Variants in SOX5 observed in about 807,000 individuals in gnomAD.
SOX5 encodes transcription factor SOX-5.
A neutral mutation model predicts 92.0 loss-of-function variants in SOX5; 9 were observed. The ratio of observed to expected loss-of-function variants is 0.10; its 90% CI spans 0.06 to 0.17. The LOEUF (loss-of-function observed/expected upper bound fraction) is 0.17. Ranked by LOEUF, SOX5 falls within the 10% of genes least tolerant of loss-of-function variation. The pLI, the probability that SOX5 is intolerant of heterozygous loss-of-function variation, is 1.00. For synonymous variants in SOX5, 344 were observed against 336.3 expected (o/e 1.02, Z -0.25); for missense variants, 642 against 944.5 (o/e 0.68, Z 4.20).
At chr12:24,368,978 C>G (rs796662864) in intron 1 of SOX5, among the ~76,000 whole-genome samples, 7 of 152,332 alleles carry the variant, frequency 4.6e-5, no homozygotes, top group African/African-American at 1.7e-4. Flanking sequence ...TTCCACCACA[C>G]TATATATACA....
intron 6 of SOX5, among the ~76,000 whole-genome samples, chr12:23,713,957 C>T (rs1054616437): frequency 4.0e-5 from 6 of 150,588 alleles, no homozygotes; most frequent in South Asian, 2.1e-4. Context: ...TTGGGTGTGG[C>T]GGTGCACACC....
chr12:23,998,446 T>C (rs1396435493), intron 4 of SOX5, among the ~76,000 whole-genome samples: 2 of 151,842 alleles, frequency 1.3e-5, no homozygotes, highest in Non-Finnish European at 1.5e-5. Context: ...CAAAGACCTA[T>C]GAGAATACTT....
In SOX5 at chr12:24,324,923, C is replaced by A. The variant is rs151122183; in HGVS notation, c.-174+43640G>T. Among the ~76,000 whole-genome samples the A allele has an allele frequency of 4.0e-3, 603 of 152,116 alleles. 20 individuals are homozygous for A. The South Asian group carries it at 0.06, about 15-fold the overall frequency. ...CTGAATCTTTTTAAGTTTCATATTT[C>A]TCATATATTATAATGTAAATATTTA... On this transcript the variant is annotated intron_variant, in intron 2 of 4. Coordinates refer to the SOX5 transcript ENST00000446891.
At chr12:23,718,588 T>C (rs1000507089) in intron 6 of SOX5, among the ~76,000 whole-genome samples, 1 of 152,226 alleles carries the variant, frequency 6.6e-6, no homozygotes, top group Non-Finnish European at 1.5e-5. Context: ...ATGCAGATGA[T>C]TTTGATTTTT....
chr12:23,694,565 G>T (rs1345783993), intron 6 of SOX5, among the ~76,000 whole-genome samples: 1 of 151,956 alleles, frequency 6.6e-6, no homozygotes, highest in Non-Finnish European at 1.5e-5. Context: ...CTTTACAGAG[G>T]TATAATTTAC....
At chr12:23,868,111 G>T (rs1259667116) in intron 2 of SOX5, among the ~76,000 whole-genome samples, 1 of 141,864 alleles carries the variant, frequency 7.0e-6, no homozygotes. Flanking sequence ...CTTCTTCCCT[G>T]CCTTCCACTT....
intron 4 of SOX5, among the ~76,000 whole-genome samples, chr12:24,181,087 T>C (rs1955449838): frequency 6.6e-6 from 1 of 152,216 alleles, no homozygotes; most frequent in Non-Finnish European, 1.5e-5. Flanking sequence ...AAGAGCAAGA[T>C]ATTCCATGGT....
chr12:24,135,974 A>G (rs564868391), intron 4 of SOX5, among the ~76,000 whole-genome samples: 8 of 152,344 alleles, frequency 5.3e-5, no homozygotes, highest in East Asian at 1.9e-4. Flanking sequence ...AAACCAGGCA[A>G]TGGCTCCATC....
intron 3 of SOX5, among the ~76,000 whole-genome samples, chr12:23,843,265 T>A (rs1176485649): frequency 6.6e-6 from 1 of 152,158 alleles, no homozygotes; most frequent in Admixed American, 6.6e-5. Context: ...TGATGGTATC[T>A]TAAAACAGAA....
At chr12:23,804,441 T>C (rs1291981741) in intron 3 of SOX5, among the ~76,000 whole-genome samples, 1 of 152,104 alleles carries the variant, frequency 6.6e-6, no homozygotes, top group Non-Finnish European at 1.5e-5. Context: ...GAAAAATGGA[T>C]TGTGGAACAG....
In SOX5 at chr12:23,660,007, T is replaced by C. The variant is rs182480837; in HGVS notation, c.931+5437A>G. 8.1e-5 allele frequency among the ~76,000 whole-genome samples: 12 copies of C among 147,970 alleles called. No individual in the cohort carries two copies. The East Asian group carries it at 2.3e-3, about 29-fold the overall frequency. On this transcript the variant is annotated intron_variant, in intron 7 of 14. Coordinates refer to ENST00000451604, the MANE Select transcript of SOX5 (RefSeq NM_006940.6). Reference sequence around the variant, plus strand: ...AAAGTTTAAAACTTGGTGATTATAATAAAAACAGGTAAGGCTAAGGTTGTA... The same window carrying C: ...AAAGTTTAAAACTTGGTGATTATAACAAAAACAGGTAAGGCTAAGGTTGTA...
At chr12:23,641,960 C>A (rs73091376) in intron 7 of SOX5, among the ~76,000 whole-genome samples, 11,640 of 152,064 alleles carry the variant, frequency 0.077, 587 homozygotes, top group Non-Finnish European at 0.11. Context: ...TCCTCTTGGC[C>A]CTAGACATAA....
chr12:23,950,744 G>C, upstream of SOX5: 4 of 846,488 alleles, frequency 4.7e-6, no homozygotes, highest in Non-Finnish European at 5.7e-6. Context: ...TGGCTGGCAA[G>C]GCACAGCCTC....
At chr12:23,976,390 T>TAAAAAAAAAAA (rs1327142180) in intron 4 of SOX5, among the ~76,000 whole-genome samples, 4 of 111,574 alleles carry the variant, frequency 3.6e-5, no homozygotes, top group South Asian at 2.9e-4. Flanking sequence ...TGAACACTAT[T>TAAAAAAAAAAA]AAAAAAACAA....
At chr12:24,535,294 A>G (rs1337314269) in intron 1 of SOX5, among the ~76,000 whole-genome samples, 1 of 152,246 alleles carries the variant, frequency 6.6e-6, no homozygotes, top group Non-Finnish European at 1.5e-5. Flanking sequence ...AGGCAGAAAT[A>G]CTAACTGTAA....
At chr12:23,758,008 CAAAAAAAAAAAAAA>C (rs34841595) in intron 3 of SOX5, among the ~76,000 whole-genome samples, 3 of 68,244 alleles carry the variant, frequency 4.4e-5, no homozygotes, top group South Asian at 1.5e-3. Flanking sequence ...GCACACACTA[CAAAAAAAAAAAAAA>C]AAAAAAAAAA....
At chr12:24,303,599 T>C (rs571754450) in intron 2 of SOX5, among the ~76,000 whole-genome samples, 120 of 152,338 alleles carry the variant, frequency 7.9e-4, no homozygotes, top group Middle Eastern at 3.4e-3. Context: ...GTATTCCAGA[T>C]GTAATTCCTA....
At chr12:24,236,021 C>G (rs1251302110) in intron 3 of SOX5, among the ~76,000 whole-genome samples, 3 of 151,908 alleles carry the variant, frequency 2.0e-5, no homozygotes, top group Non-Finnish European at 4.4e-5. Flanking sequence ...AACCCCACCT[C>G]TACTAAAAAA....
Position 23,624,574 on chromosome 12 carries a change from C to A in SOX5, c.1017+16238G>T, listed in dbSNP as rs1486770767. On this transcript the variant is annotated intron_variant, in intron 8 of 14. Transcript: ENST00000451604. ...GAAAGCAGTTATAAAATGGAGGGAG[C>A]GAAAGAACACCTATTACAATGTAAG... Among the ~76,000 whole-genome samples, 4 of 152,148 alleles carry A rather than the reference C, an allele frequency of 2.6e-5. No individual in the cohort carries two copies. In the East Asian group the frequency reaches 7.7e-4, roughly 29 times the overall value.
Sources: allele counts gnomAD v4.1 joint callset (sites outside exome capture counted in the v4.1 genomes callset), GRCh38; gene constraint gnomAD v4.1.1; transcripts MANE v1.5; gene names NCBI Gene and HGNC (gene_info 2026-07-23, HGNC 2026-07-21).